Variants in MEGF11 observed in about 807,000 individuals in gnomAD.
MEGF11 encodes the protein multiple epidermal growth factor-like domains protein 11.
A neutral mutation model predicts 146.6 loss-of-function variants in MEGF11; 126 were observed. The observed-to-expected ratio is 0.86, with a 90% CI of 0.74 to 1.00. The LOEUF is 1.00. Ranked by LOEUF, MEGF11 falls within the 50% of genes least tolerant of loss-of-function variation. The pLI, the probability that MEGF11 is intolerant of heterozygous loss-of-function variation, is 0.00. For synonymous variants in MEGF11, 532 were observed against 583.4 expected (o/e 0.91, Z 1.27); for missense variants, 1,509 against 1,521.2 (o/e 0.99, Z 0.13).
At chr15:66,129,789 C>T (rs921336546) in intron 1 of MEGF11, among the ~76,000 whole-genome samples, 1 of 152,236 alleles carries the variant, frequency 6.6e-6, no homozygotes, top group African/African-American at 2.4e-5. Flanking sequence ...AACTCTTTCT[C>T]AGCAGCTCCT....
rs2078355991 is a variant in MEGF11 at position 65,896,195 on chromosome 15, A to G, written c.*1739T>C. 1 of 152,640 alleles carries G rather than the reference A, an allele frequency of 6.6e-6. No homozygotes were observed. 9.5% of individuals were successfully genotyped at this position (152,640 alleles called of 1,614,324 possible). A position where few individuals can be genotyped will look rare whatever the true frequency, so the allele number is the denominator to read the frequency against. ...TCCAAAGTAATTTTCTAATATTTAT[A>G]TTTTAATAAGGCTTTTTTGGAAAGT... is the stretch of plus-strand genomic sequence containing the variant. On this transcript the variant is annotated 3_prime_UTR_variant, in exon 26 of 26. Coordinates refer to ENST00000395614, the MANE Select transcript of MEGF11 (RefSeq NM_001385028.1).
At chr15:65,999,425 C>T (rs368873896) in intron 5 of MEGF11, among the ~76,000 whole-genome samples, 6 of 152,218 alleles carry the variant, frequency 3.9e-5, no homozygotes, top group African/African-American at 1.4e-4. Context: ...CAGATTAATG[C>T]TTCCTCCTTA....
At chr15:65,909,002 T>A in intron 23 of MEGF11, 32 bp downstream of exon 23, 1 of 1,394,004 alleles carries the variant, frequency 7.2e-7, no homozygotes, top group Non-Finnish European at 9.8e-7. Context: ...TGGTCTGGCA[T>A]GAGGGGGTGG....
At chr15:65,928,793 G>A (rs1049154406) in intron 12 of MEGF11, among the ~76,000 whole-genome samples, 2 of 152,088 alleles carry the variant, frequency 1.3e-5, no homozygotes, top group African/African-American at 4.8e-5. Flanking sequence ...GTATGAGGTT[G>A]AGAAGGAGGT....
chr15:65,914,662 T>C (rs2078931783), intron 19 of MEGF11, among the ~76,000 whole-genome samples: 1 of 152,238 alleles, frequency 6.6e-6, no homozygotes, highest in Admixed American at 6.5e-5. Context: ...CCTTGACTGT[T>C]GGCTGCTGGC....
At chr15:66,247,170 G>A (rs1025498816) in intron 1 of MEGF11, among the ~76,000 whole-genome samples, 10 of 152,060 alleles carry the variant, frequency 6.6e-5, no homozygotes, top group African/African-American at 9.7e-5. Flanking sequence ...AGCTACTATG[G>A]CTCCCATTGA....
At chr15:65,947,388 A>G (rs761865088) in intron 10 of MEGF11, among the ~76,000 whole-genome samples, 2 of 152,114 alleles carry the variant, frequency 1.3e-5, no homozygotes, top group Non-Finnish European at 2.9e-5. Context: ...CTTCTGCACA[A>G]TGAGGGTGCA....
chr15:65,940,358 C>G (rs1302424587), intron 10 of MEGF11, among the ~76,000 whole-genome samples: 1 of 152,228 alleles, frequency 6.6e-6, no homozygotes, highest in Non-Finnish European at 1.5e-5. Flanking sequence ...GAATGCCAGC[C>G]CTGGGCTGCT....
chr15:66,242,847 A>G (rs183777824), intron 1 of MEGF11, among the ~76,000 whole-genome samples: 9 of 152,304 alleles, frequency 5.9e-5, no homozygotes, highest in Admixed American at 5.2e-4. Flanking sequence ...ACAACCTCAC[A>G]TTAATTCTGG....
chr15:66,166,611 T>C (rs1243945201), intron 1 of MEGF11, among the ~76,000 whole-genome samples: 1 of 151,916 alleles, frequency 6.6e-6, no homozygotes, highest in Non-Finnish European at 1.5e-5. Context: ...CATCTCCTTG[T>C]TCCCTTTGCT....
intron 5 of MEGF11, among the ~76,000 whole-genome samples, chr15:66,054,313 T>A (rs138555087): frequency 6.6e-6 from 1 of 152,334 alleles, no homozygotes; most frequent in East Asian, 1.9e-4. Flanking sequence ...TTTAAAATTC[T>A]CTGCAGGCTC....
intron 5 of MEGF11, among the ~76,000 whole-genome samples, chr15:66,069,588 A>G: frequency 6.6e-6 from 1 of 152,228 alleles, no homozygotes; most frequent in East Asian, 1.9e-4. Flanking sequence ...GGATAGGACC[A>G]TCCTGCCTCC....
At chr15:65,975,492 C>T (rs541705264) in intron 7 of MEGF11, among the ~76,000 whole-genome samples, 1 of 152,316 alleles carries the variant, frequency 6.6e-6, no homozygotes, top group Non-Finnish European at 1.5e-5. Flanking sequence ...TCCAAGCCCG[C>T]CGAATCTCTA....
At chr15:65,936,624 C>T (rs748846380) in intron 10 of MEGF11, among the ~76,000 whole-genome samples, 22 of 152,136 alleles carry the variant, frequency 1.4e-4, no homozygotes, top group Non-Finnish European at 2.6e-4. Flanking sequence ...CCAGGCAGTA[C>T]CCACACAGGT....
At chr15:65,913,003 A>G (rs2078864858) in intron 20 of MEGF11, among the ~76,000 whole-genome samples, 2 of 152,214 alleles carry the variant, frequency 1.3e-5, no homozygotes, top group African/African-American at 2.4e-5. Flanking sequence ...CCAGGACTAT[A>G]GGGCAATTTC....
intron 10 of MEGF11, among the ~76,000 whole-genome samples, chr15:65,935,509 C>T (rs2079749998): frequency 6.6e-6 from 1 of 152,188 alleles, no homozygotes. Context: ...CTGATGTCTG[C>T]TGCAGAATTG....
Position 65,912,147 on chromosome 15 carries a change from C to T in MEGF11, c.2764G>A (p.Ala922Thr), listed in dbSNP as rs1192522609. The T allele has an allele frequency of 2.8e-5, 34 of 1,232,040 alleles. No homozygotes were observed. Among genetic ancestry groups the T allele is most frequent in the African/African-American group, 6.2e-5 (4 of 64,358 alleles). 76.3% of individuals were successfully genotyped at this position (1,232,040 alleles called of 1,614,324 possible). ...AHCFSNSSYH[A>T]LACGGPATSQ... ...GTGGCAGGCCCCCCACATGCCAGTG[C>T]GTGGTAGCTGGAATTGGAAAAGCAG... Residue 922 changes from alanine to threonine, a missense_variant, in exon 21 of 26, where the codon GCA becomes ACA. Transcript: ENST00000395614.
At chr15:66,213,972 C>G (rs187476716) in intron 1 of MEGF11, among the ~76,000 whole-genome samples, 1 of 151,964 alleles carries the variant, frequency 6.6e-6, no homozygotes, top group Non-Finnish European at 1.5e-5. Flanking sequence ...GGCCGCCAAC[C>G]CTTCTCCTCT....
chr15:66,120,178 G>A (rs944776784), intron 3 of MEGF11, among the ~76,000 whole-genome samples: 1 of 152,136 alleles, frequency 6.6e-6, no homozygotes, highest in African/African-American at 2.4e-5. Flanking sequence ...GTAGATTCTG[G>A]CCTTACAGAC....
Sources: gnomAD v4.1 joint callset for allele counts (sites outside exome capture counted in the v4.1 genomes callset) on GRCh38, gnomAD v4.1.1 for gene constraint, MANE v1.5 for transcripts, NCBI Gene and HGNC (gene_info 2026-07-23, HGNC 2026-07-21) for gene names.